TPCN1: variants seen among roughly 807,000 people sequenced by gnomAD.
TPCN1 encodes two pore segment channel 1.
A neutral mutation model predicts 108.8 loss-of-function variants in TPCN1; 52 were observed. The observed-to-expected ratio is 0.48, with a 90% CI of 0.38 to 0.60. The LOEUF (loss-of-function observed/expected upper bound fraction) is 0.60. Among genes scored for constraint, TPCN1 ranks in the 20% least tolerant of loss-of-function variants. The pLI is 0.00. For missense variants in TPCN1, 806 were observed against 1,072.8 expected, an observed-to-expected ratio of 0.75 and a Z score of 3.47; for synonymous variants, 446 against 433.7, an observed-to-expected ratio of 1.03 and a Z score of -0.35.
At chr12:113,224,841 C>T (rs923864883) in intron 1 of TPCN1, among the ~76,000 whole-genome samples, 9 of 152,140 alleles carry the variant, frequency 5.9e-5, no homozygotes, top group African/African-American at 1.9e-4. Flanking sequence ...ACCTCTGCCT[C>T]CTGGGTTCAA....
At chr12:113,242,176 G>A (rs193263563) in intron 2 of TPCN1, among the ~76,000 whole-genome samples, 18 of 152,356 alleles carry the variant, frequency 1.2e-4, no homozygotes, top group African/African-American at 3.8e-4. Context: ...AGCTGGCCAC[G>A]GCTGTGCTGG....
Position 113,272,626 on chromosome 12 carries a change from C to G in TPCN1, c.749-32C>G. The G allele has an allele frequency of 3.1e-6, 5 of 1,608,448 alleles. No individual in the cohort carries two copies. The highest frequency in any genetic ancestry group is 4.3e-6 in the Non-Finnish European group (5 of 1,174,794). On this transcript the variant is annotated intron_variant, in intron 7 of 27. Coordinates refer to ENST00000335509, the MANE Select transcript of TPCN1 (RefSeq NM_017901.6). This position sits in a 1 kb window ranked among gnomAD's most constrained non-coding sequence, Gnocchi z 4.1. The stretch of plus-strand genomic sequence containing the variant: ...CAGGTTTTGGGACCTCTGCTCTAAT[C>G]CTTTTGTTTATCTGTTTCCACCCAC...
rs1593196713 is a variant in TPCN1, at chr12:113,284,882, G to A, written c.1453+111G>A. ...TCTCTAAAACAGGAAGCTATAAAGA[G>A]ACGGAGTAATCAGTCTGATTCCATC... On this transcript the variant is annotated intron_variant, in intron 17 of 27. Coordinates refer to ENST00000335509, the MANE Select transcript of TPCN1 (RefSeq NM_017901.6). This position sits in a 1 kb window ranked among gnomAD's most constrained non-coding sequence, Gnocchi z 4.1. 13 of 1,241,052 alleles carry A rather than the reference G, an allele frequency of 1.0e-5. No homozygotes were observed. Among genetic ancestry groups the A allele is most frequent in the African/African-American group, 4.5e-5 (3 of 67,140 alleles). The allele number at this position is 1,241,052 out of a possible 1,614,324, so 76.9% of individuals were successfully genotyped here. A position where few individuals can be genotyped will look rare whatever the true frequency, so the allele number is the denominator to read the frequency against.
rs547346345 is a variant in TPCN1 at position 113,279,295 on chromosome 12, ATG to A, written c.1297+472_1297+473del. On this transcript the variant is annotated intron_variant, in intron 14 of 27. Coordinates refer to ENST00000335509, the MANE Select transcript of TPCN1 (RefSeq NM_017901.6). The stretch of plus-strand genomic sequence containing the variant: ...TCTGCCTTTTCATCCAATAACACAT[ATG>A]TGTGTGTGTGTATATATATATGTGT... 4.4e-4 allele frequency among the ~76,000 whole-genome samples: 59 copies of A among 134,446 alleles called. No individual in the cohort carries two copies. In the South Asian group the frequency reaches 4.9e-3, roughly 11 times the overall value. The allele number at this position is 134,446 out of a possible 152,430, so 88.2% of individuals were successfully genotyped here.
At chr12:113,265,972 A>G (rs1955244580) in intron 3 of TPCN1, among the ~76,000 whole-genome samples, 1 of 152,080 alleles carries the variant, frequency 6.6e-6, no homozygotes, top group South Asian at 2.1e-4. Context: ...AAGAAGCAGC[A>G]AATCTCTTGA....
intron 4 of TPCN1, among the ~76,000 whole-genome samples, chr12:113,267,542 G>A (rs535706680): frequency 6.9e-4 from 105 of 152,194 alleles, no homozygotes; most frequent in African/African-American, 2.5e-3. Flanking sequence ...GGGATTACAG[G>A]TGTGCGCCAC....
intron 27 of TPCN1, among the ~76,000 whole-genome samples, chr12:113,295,593 G>T (rs370631296): frequency 6.6e-6 from 1 of 152,028 alleles, no homozygotes; most frequent in South Asian, 2.1e-4. Flanking sequence ...TCGGTGTCTC[G>T]GGTGTGAAAC....
At chr12:113,257,107 T>G (rs1298585509) in intron 2 of TPCN1, among the ~76,000 whole-genome samples, 1 of 152,108 alleles carries the variant, frequency 6.6e-6, no homozygotes, top group Non-Finnish European at 1.5e-5. Context: ...TAAATAAACA[T>G]ATGGAAAGTT....
chr12:113,274,906 A>C (rs550837211), intron 10 of TPCN1, among the ~76,000 whole-genome samples: 1 of 152,314 alleles, frequency 6.6e-6, no homozygotes, highest in African/African-American at 2.4e-5. Flanking sequence ...TACCTCACTT[A>C]TCAGGAACCA....
chr12:113,275,859 C>T (rs531263610), intron 10 of TPCN1, among the ~76,000 whole-genome samples: 42 of 152,198 alleles, frequency 2.8e-4, no homozygotes, highest in Non-Finnish European at 4.4e-4. Context: ...TACAGGCCAC[C>T]GTGCCCGGCC....
chr12:113,254,239 C>T (rs1428677053), intron 2 of TPCN1, among the ~76,000 whole-genome samples: 3 of 152,152 alleles, frequency 2.0e-5, no homozygotes, highest in South Asian at 2.1e-4. Context: ...TCCTGGTGAA[C>T]GGTATACATT....
intron 3 of TPCN1, 112 bp downstream of exon 3, chr12:113,260,604 T>G: frequency 4.5e-6 from 6 of 1,342,066 alleles, no homozygotes; most frequent in Non-Finnish European, 6.0e-6. Flanking sequence ...TTCATGCTGC[T>G]GCTGCTCGTG....
Position 113,288,512 on chromosome 12 carries a change from A to C in TPCN1, c.1707-246A>C. On this transcript the variant is annotated intron_variant, in intron 20 of 27. Coordinates refer to ENST00000335509, the MANE Select transcript of TPCN1 (RefSeq NM_017901.6). This position sits in a 1 kb window ranked among gnomAD's most constrained non-coding sequence, Gnocchi z 4.8. ...ATTCACAGGTAAGGGGTCACCTGTG[A>C]GTCTACCTTCACAGGTAAGGGGTGA... 8.0e-6 allele frequency: 12 copies of C among 1,498,204 alleles called. No homozygotes were observed. Among genetic ancestry groups the C allele is most frequent in the Non-Finnish European group, 1.1e-5 (12 of 1,126,522 alleles). The allele number at this position is 1,498,204 out of a possible 1,614,324, so 92.8% of individuals were successfully genotyped here.
At chr12:113,256,245 T>C (rs1954827562) in intron 2 of TPCN1, among the ~76,000 whole-genome samples, 1 of 152,174 alleles carries the variant, frequency 6.6e-6, no homozygotes. Context: ...AGAAATTGAC[T>C]AATTCTAAAG....
At chr12:113,256,760 T>C (rs1954843444) in intron 2 of TPCN1, among the ~76,000 whole-genome samples, 1 of 152,168 alleles carries the variant, frequency 6.6e-6, no homozygotes, top group African/African-American at 2.4e-5. Context: ...TCTTGAACTC[T>C]TGGGCTCAAG....
chr12:113,273,737 G>A lies in TPCN1; in HGVS notation c.942+69G>A. On this transcript the variant is annotated intron_variant, in intron 10 of 27. Coordinates refer to ENST00000335509, the MANE Select transcript of TPCN1 (RefSeq NM_017901.6). The surrounding 1 kb of genome is among the most constrained non-coding windows in gnomAD (Gnocchi z 4.0). ...ACCCATGCAGCACTAGGCACTGTGGGAGTGGAGAAGTGGGGACTGTCTTCT... is the reference window on the plus strand; with the variant it reads ...ACCCATGCAGCACTAGGCACTGTGGAAGTGGAGAAGTGGGGACTGTCTTCT... 2 of 1,252,580 alleles carry A rather than the reference G, an allele frequency of 1.6e-6. No homozygotes were observed. The highest frequency in any genetic ancestry group is 1.7e-5 in the Admixed American group (1 of 59,576). The allele number at this position is 1,252,580 out of a possible 1,614,324, so 77.6% of individuals were successfully genotyped here. A position where few individuals can be genotyped will look rare whatever the true frequency, so the allele number is the denominator to read the frequency against.
At position 113,297,995 on chromosome 12, in the gene TPCN1, T is replaced by G. The variant is rs960324702; in HGVS notation, c.*1919T>G. 7 of 152,222 alleles carry G rather than the reference T, an allele frequency of 4.6e-5. No homozygotes were observed. The highest frequency in any genetic ancestry group is 1.7e-4 in the African/African-American group (7 of 41,418). The allele number at this position is 152,222 out of a possible 1,614,324, so 9.4% of individuals were successfully genotyped here. On this transcript the variant is annotated 3_prime_UTR_variant, in exon 28 of 28. Coordinates refer to ENST00000335509, the MANE Select transcript of TPCN1 (RefSeq NM_017901.6). The surrounding 1 kb of genome is among the most constrained non-coding windows in gnomAD (Gnocchi z 4.4). Reference sequence around the variant, plus strand: ...GAGGGGCCAGCAGCACCCCGGGGTCTGCCCAGGGGAGTCAAGGCCCCGAGG... The same window carrying G: ...GAGGGGCCAGCAGCACCCCGGGGTCGGCCCAGGGGAGTCAAGGCCCCGAGG...
chr12:113,286,453 G>GC (rs1298238142), intron 18 of TPCN1, among the ~76,000 whole-genome samples: 2 of 151,926 alleles, frequency 1.3e-5, no homozygotes, highest in East Asian at 1.9e-4. Flanking sequence ...CACGCAGAGC[G>GC]GAGTTGGGAG....
At chr12:113,261,277 C>T (rs1006022050) in intron 3 of TPCN1, among the ~76,000 whole-genome samples, 3 of 151,818 alleles carry the variant, frequency 2.0e-5, no homozygotes, top group African/African-American at 7.3e-5. Flanking sequence ...AAACATTCAC[C>T]TAAGGCAGTC....
Sources: gnomAD v4.1 joint callset for allele counts (sites outside exome capture counted in the v4.1 genomes callset) on GRCh38, gnomAD v4.1.1 for gene constraint, Gnocchi (gnomAD v3.1) non-coding constraint, MANE v1.5 for transcripts, NCBI Gene and HGNC (gene_info 2026-07-23, HGNC 2026-07-21) for gene names.